EFNA5: variants seen among roughly 807,000 people sequenced by gnomAD.
EFNA5 encodes the protein ephrin-A5.
In EFNA5, 5 loss-of-function variants were observed where a neutral mutation model predicts 22.9. That is an observed-to-expected ratio of 0.22 (90% CI 0.11 to 0.46). The LOEUF (loss-of-function observed/expected upper bound fraction) is 0.46. EFNA5 is among the 20% of genes least tolerant of loss of function. The probability of loss-of-function intolerance (pLI) is 0.99; values close to 1 mark genes in which losing one functional copy is unlikely to be tolerated. For missense variants in EFNA5, 237 were observed against 293.3 expected (o/e 0.81, Z 1.40); for synonymous variants, 113 against 112.2 (o/e 1.01, Z -0.04).
In EFNA5 at chr5:107,535,150, G is replaced by A. The variant is rs76695011; in HGVS notation, c.126-107641C>T. Among the ~76,000 whole-genome samples the A allele has an allele frequency of 1.6e-3, 238 of 152,304 alleles. 4 individuals are homozygous for A. The East Asian group carries it at 0.039, about 25-fold the overall frequency. On this transcript the variant is annotated intron_variant, in intron 1 of 4. Coordinates refer to ENST00000333274, the MANE Select transcript of EFNA5 (RefSeq NM_001962.3). ...TTGTAAAGAGAGGAGGGTAATGGCA[G>A]AGTGGCATTCAACAGCGGTGGGTAC...
chr5:107,594,899 G>T (rs890942599), intron 1 of EFNA5, among the ~76,000 whole-genome samples: 2 of 152,166 alleles, frequency 1.3e-5, no homozygotes, highest in South Asian at 4.1e-4. Context: ...TCATGACCTG[G>T]ATACCAAAGC....
At chr5:107,611,085 A>G (rs1749812739) in intron 1 of EFNA5, among the ~76,000 whole-genome samples, 1 of 152,158 alleles carries the variant, frequency 6.6e-6, no homozygotes, top group East Asian at 1.9e-4. Flanking sequence ...TAGAAACATG[A>G]AAGTGGGGCA....
chr5:107,501,338 T>C (rs1480598476), intron 1 of EFNA5, among the ~76,000 whole-genome samples: 1 of 152,230 alleles, frequency 6.6e-6, no homozygotes, highest in Non-Finnish European at 1.5e-5. Context: ...ATACAGTCTT[T>C]AGCTACAAAT....
chr5:107,557,130 CATT>C (rs1748437906), intron 1 of EFNA5, among the ~76,000 whole-genome samples: 1 of 152,154 alleles, frequency 6.6e-6, no homozygotes, highest in Admixed American at 6.5e-5. Context: ...GCATGTCTAT[CATT>C]ATATGTCCCT....
intron 1 of EFNA5, among the ~76,000 whole-genome samples, chr5:107,486,582 C>T (rs1746628164): frequency 6.6e-6 from 1 of 152,150 alleles, no homozygotes; most frequent in Non-Finnish European, 1.5e-5. Context: ...GAGTATTATA[C>T]CTCTCTACTA....
chr5:107,457,343 G>A (rs946769189), intron 1 of EFNA5, among the ~76,000 whole-genome samples: 8 of 151,984 alleles, frequency 5.3e-5, no homozygotes, highest in African/African-American at 1.9e-4. Flanking sequence ...CCTTGACTCA[G>A]CCTCTGAAGG....
intron 1 of EFNA5, among the ~76,000 whole-genome samples, chr5:107,619,418 T>C (rs1561451246): frequency 6.6e-6 from 1 of 151,872 alleles, no homozygotes; most frequent in Admixed American, 6.6e-5. Context: ...AGAAGGTAAA[T>C]TCTAATCTAA....
At chr5:107,510,734 C>A (rs925549267) in intron 1 of EFNA5, among the ~76,000 whole-genome samples, 5 of 152,028 alleles carry the variant, frequency 3.3e-5, no homozygotes, top group Non-Finnish European at 7.4e-5. Flanking sequence ...CAGAACAGCC[C>A]AATCTTTTTT....
intron 1 of EFNA5, among the ~76,000 whole-genome samples, chr5:107,519,955 A>G (rs2112442151): frequency 6.6e-6 from 1 of 152,274 alleles, no homozygotes; most frequent in East Asian, 1.9e-4. Context: ...TTACTTTCCC[A>G]TTCCATCCTG....
chr5:107,591,237 T>A (rs754212274), intron 1 of EFNA5, among the ~76,000 whole-genome samples: 7 of 152,134 alleles, frequency 4.6e-5, no homozygotes, highest in Non-Finnish European at 1.0e-4. Context: ...AGCCAACATT[T>A]AAAAGTCAAT....
chr5:107,595,702 T>A (rs1749459936), intron 1 of EFNA5, among the ~76,000 whole-genome samples: 2 of 152,224 alleles, frequency 1.3e-5, no homozygotes, highest in African/African-American at 4.8e-5. Context: ...CACAAGGGAT[T>A]AGAAGCCCAA....
chr5:107,486,943 G>A (rs1746644973), intron 1 of EFNA5, among the ~76,000 whole-genome samples: 1 of 152,228 alleles, frequency 6.6e-6, no homozygotes, highest in East Asian at 1.9e-4. Flanking sequence ...TGACCTGTCT[G>A]CCTCCAATAT....
At chr5:107,510,963 T>C (rs997897940) in intron 1 of EFNA5, among the ~76,000 whole-genome samples, 1 of 152,100 alleles carries the variant, frequency 6.6e-6, no homozygotes, top group African/African-American at 2.4e-5. Flanking sequence ...AAAATGATTA[T>C]ATAATTATTT....
chr5:107,515,188 C>T (rs1297307747), intron 1 of EFNA5, among the ~76,000 whole-genome samples: 1 of 151,702 alleles, frequency 6.6e-6, no homozygotes, highest in African/African-American at 2.4e-5. Context: ...GCGACTGAGC[C>T]ACCACACCTG....
chr5:107,462,463 T>G (rs938914388), intron 1 of EFNA5, among the ~76,000 whole-genome samples: 1 of 152,122 alleles, frequency 6.6e-6, no homozygotes, highest in East Asian at 1.9e-4. Context: ...ATAAACACCA[T>G]AGTGCAGAAA....
intron 1 of EFNA5, among the ~76,000 whole-genome samples, chr5:107,432,263 T>A (rs1165885630): frequency 6.6e-6 from 1 of 152,236 alleles, no homozygotes; most frequent in Non-Finnish European, 1.5e-5. Flanking sequence ...CATAAAGGAA[T>A]CTTTTTTCCA....
At chr5:107,557,275 G>A (rs886673429) in intron 1 of EFNA5, among the ~76,000 whole-genome samples, 1 of 149,892 alleles carries the variant, frequency 6.7e-6, no homozygotes, top group Admixed American at 6.6e-5. Flanking sequence ...GGGCGAGAGA[G>A]GGAAGCCTGG....
intron 1 of EFNA5, among the ~76,000 whole-genome samples, chr5:107,655,225 G>T (rs994420843): frequency 5.3e-5 from 8 of 152,146 alleles, no homozygotes; most frequent in African/African-American, 1.9e-4. Context: ...ATCAGACATG[G>T]AATCCAAGTA....
intron 1 of EFNA5, among the ~76,000 whole-genome samples, chr5:107,602,297 T>C (rs2112513221): frequency 6.6e-6 from 1 of 152,308 alleles, no homozygotes; most frequent in East Asian, 1.9e-4. Flanking sequence ...ATGAGGAGTA[T>C]ATTGATGAGA....
Sources: gnomAD v4.1 joint callset for allele counts (sites outside exome capture counted in the v4.1 genomes callset) on GRCh38, gnomAD v4.1.1 for gene constraint, MANE v1.5 for transcripts, NCBI Gene and HGNC (gene_info 2026-07-23, HGNC 2026-07-21) for gene names.